Variants in MEF2C observed in about 807,000 individuals in gnomAD.
MEF2C encodes the protein myocyte-specific enhancer factor 2C.
Under a neutral mutation model 50.5 loss-of-function variants are expected in MEF2C, and 6 were observed. The ratio of observed to expected loss-of-function variants is 0.12; its 90% confidence interval spans 0.07 to 0.23. MEF2C has a LOEUF of 0.23. Among genes scored for constraint, MEF2C ranks in the 10% least tolerant of loss-of-function variants. MEF2C has a pLI of 1.00. For synonymous variants in MEF2C, 183 were observed against 228.0 expected, an observed-to-expected ratio of 0.80 and a Z score of 1.78; for missense variants, 276 against 605.0, an observed-to-expected ratio of 0.46 and a Z score of 5.70.
chr5:88,766,631 C>A, intron 3 of MEF2C: 2 of 984,982 alleles, frequency 2.0e-6, no homozygotes, highest in Non-Finnish European at 2.4e-6. Flanking sequence ...TCATCATCAT[C>A]CTTTTCCTGT....
rs74201556 is a variant in MEF2C, at chr5:88,893,674, T to C, written c.-239-6076A>G. Among the ~76,000 whole-genome samples the C allele has an allele frequency of 3.8e-3, 586 of 152,320 alleles. 33 individuals are homozygous for C. In the East Asian group the frequency reaches 0.1, roughly 26 times the overall value. On this transcript the variant is annotated intron_variant, in intron 1 of 11. Transcript: ENST00000340208. ...AAGAAGGTAAGATCATGCATAGATC[T>C]ATATGCTTTCAATACGTAATTTTAT...
chr5:88,883,960 C>T (rs1008652206), upstream of MEF2C, among the ~76,000 whole-genome samples: 1 of 152,276 alleles, frequency 6.6e-6, no homozygotes, highest in African/African-American at 2.4e-5. Context: ...GTGAATCAAT[C>T]TTTCCATTCC....
intron 3 of MEF2C, chr5:88,782,306 A>T (rs2152884277): frequency 3.0e-6 from 1 of 334,994 alleles, no homozygotes. Flanking sequence ...TCTCTACAAA[A>T]AATACAAAAA....
chr5:88,795,467 T>C (rs1795635257), intron 3 of MEF2C, among the ~76,000 whole-genome samples: 1 of 152,192 alleles, frequency 6.6e-6, no homozygotes, highest in Non-Finnish European at 1.5e-5. Flanking sequence ...ATAGGAATGC[T>C]TGTGATTTTT....
intron 1 of MEF2C, among the ~76,000 whole-genome samples, chr5:88,841,852 C>T (rs1817506679): frequency 6.6e-6 from 1 of 152,192 alleles, no homozygotes; most frequent in South Asian, 2.1e-4. Flanking sequence ...GTACACACTC[C>T]TGATAGCACA....
chr5:88,886,399 G>A (rs1343808959), upstream of MEF2C, among the ~76,000 whole-genome samples: 1 of 152,090 alleles, frequency 6.6e-6, no homozygotes, highest in Non-Finnish European at 1.5e-5. Flanking sequence ...TTCTCATGTA[G>A]GGAGGAGCTT....
rs1318334789 is a variant in MEF2C, at chr5:88,812,265, A to G, written c.55-7464T>C. Among the ~76,000 whole-genome samples, 3 of 152,116 alleles carry G rather than the reference A, an allele frequency of 2.0e-5. No individual in the cohort carries two copies. The East Asian group carries it at 5.8e-4, about 29-fold the overall frequency. ...TCTTGTAACCTGACAACCAATAATA[A>G]TACTTGGCTAAATAAATAAATGTTG... is the stretch of plus-strand genomic sequence containing the variant. On this transcript the variant is annotated intron_variant, in intron 2 of 10. Transcript: ENST00000504921.
chr5:88,815,370 T>A (rs1191356509), intron 2 of MEF2C, among the ~76,000 whole-genome samples: 2 of 152,062 alleles, frequency 1.3e-5, no homozygotes. Flanking sequence ...AATCAATCCT[T>A]GCAAGACAGA....
At chr5:88,872,741 T>C (rs1049089318) in intron 1 of MEF2C, among the ~76,000 whole-genome samples, 2 of 152,018 alleles carry the variant, frequency 1.3e-5, no homozygotes, top group African/African-American at 4.8e-5. Flanking sequence ...TAATTCCCAT[T>C]TTACAGATCC....
chr5:88,759,409 G>C (rs1019860468), intron 4 of MEF2C, among the ~76,000 whole-genome samples: 2 of 152,152 alleles, frequency 1.3e-5, no homozygotes, highest in African/African-American at 4.8e-5. Flanking sequence ...TTGAACCCGG[G>C]AAGCAGAGGT....
chr5:88,869,285 A>ACG (rs1828629784), intron 1 of MEF2C, among the ~76,000 whole-genome samples: 1 of 76,454 alleles, frequency 1.3e-5, no homozygotes, highest in Non-Finnish European at 2.4e-5. Flanking sequence ...ATACATATAT[A>ACG]TATATATATA....
At chr5:88,874,795 A>G (rs1034753320) in intron 1 of MEF2C, among the ~76,000 whole-genome samples, 1 of 152,006 alleles carries the variant, frequency 6.6e-6, no homozygotes, top group Non-Finnish European at 1.5e-5. Flanking sequence ...GTTAACAACT[A>G]AGCTAACATT....
chr5:88,766,293 T>G (rs375679767), intron 3 of MEF2C, among the ~76,000 whole-genome samples: 1 of 152,218 alleles, frequency 6.6e-6, no homozygotes, highest in South Asian at 2.1e-4. Flanking sequence ...GAATGCTACA[T>G]GGAGCTCTCA....
intron 2 of MEF2C, among the ~76,000 whole-genome samples, chr5:88,812,532 G>A (rs1344433160): frequency 6.6e-6 from 1 of 152,080 alleles, no homozygotes; most frequent in Non-Finnish European, 1.5e-5. Flanking sequence ...TTGTGTGTGG[G>A]TTGGTTGGTG....
At chr5:88,869,294 TACAC>T (rs1391800642) in intron 1 of MEF2C, among the ~76,000 whole-genome samples, 1,308 of 112,234 alleles carry the variant, frequency 0.012, 37 homozygotes, top group Non-Finnish European at 0.013. Context: ...TATATATATA[TACAC>T]ATATATATAT....
chr5:88,823,990 T>C (rs1809716889), intron 1 of MEF2C, 60 bp from the exon 2 acceptor site: 3 of 1,306,608 alleles, frequency 2.3e-6, no homozygotes, highest in Non-Finnish European at 3.0e-6. Context: ...ATAAGAACTA[T>C]CATATTCTAA....
intron 1 of MEF2C, among the ~76,000 whole-genome samples, chr5:88,898,304 A>AT (rs1835317688): frequency 6.6e-6 from 1 of 152,152 alleles, no homozygotes; most frequent in Admixed American, 6.6e-5. Context: ...TTTCTGTACA[A>AT]TTCTTCATCT....
intron 1 of MEF2C, among the ~76,000 whole-genome samples, chr5:88,848,409 A>G (rs1820081373): frequency 2.0e-5 from 3 of 152,226 alleles, no homozygotes; most frequent in Admixed American, 2.0e-4. Context: ...GAAAAATTAC[A>G]TCCTTAAGGT....
Position 88,722,500 on chromosome 5 carries a change from CCACACACGG to C in MEF2C, c.*95_*103del. ...ACAGAGTACCTGACTTTTTTTTTTT[CCACACACGG>C]CACATATAATGCATATCGACCCCCC... On this transcript the variant is annotated 3_prime_UTR_variant, in exon 11 of 11. Coordinates refer to ENST00000504921, the MANE Select transcript of MEF2C (RefSeq NM_002397.5). 1 of 1,011,590 alleles carries C rather than the reference CCACACACGG, an allele frequency of 9.9e-7. No homozygotes were observed. Among genetic ancestry groups the C allele is most frequent in the Non-Finnish European group, 1.4e-6 (1 of 696,844 alleles). The allele number at this position is 1,011,590 out of a possible 1,614,324, so 62.7% of individuals were successfully genotyped here.
Sources: gnomAD v4.1 joint callset for allele counts (sites outside exome capture counted in the v4.1 genomes callset) on GRCh38, gnomAD v4.1.1 for gene constraint, MANE v1.5 for transcripts, NCBI Gene and HGNC (gene_info 2026-07-23, HGNC 2026-07-21) for gene names.